The following BMP2K variants were observed in gnomAD, a reference collection of about 807,000 sequenced individuals.
The protein encoded by BMP2K is BMP-2-inducible protein kinase.
A neutral mutation model predicts 116.0 loss-of-function variants in BMP2K; 74 were observed. That is an observed-to-expected ratio of 0.64 (90% CI 0.53 to 0.77). BMP2K has a LOEUF of 0.77. Ranked by LOEUF, BMP2K falls within the 30% of genes least tolerant of loss-of-function variation. The pLI, the probability that BMP2K is intolerant of heterozygous loss-of-function variation, is 0.00. For synonymous variants in BMP2K, 486 were observed against 502.5 expected, an observed-to-expected ratio of 0.97 and a Z score of 0.44; for missense variants, 1,365 against 1,403.6, an observed-to-expected ratio of 0.97 and a Z score of 0.44.
intron 6 of BMP2K, 92 bp from the exon 7 acceptor site, chr4:78,850,831 AC>A (rs1731215133): frequency 7.3e-7 from 1 of 1,365,894 alleles, no homozygotes; most frequent in Non-Finnish European, 1.0e-6. Context: ...CAGTATAGAA[AC>A]ATGACTTTTT....
intron 7 of BMP2K, among the ~76,000 whole-genome samples, chr4:78,851,493 G>A (rs1189102248): frequency 6.6e-6 from 1 of 152,054 alleles, no homozygotes; most frequent in Non-Finnish European, 1.5e-5. Flanking sequence ...AAATAAATTA[G>A]GAAGCTACAA....
rs766312774 is a variant in BMP2K, at chr4:78,826,084, T to C, written c.226T>C (p.Cys76Arg). The C allele has an allele frequency of 5.6e-6, 9 of 1,614,238 alleles. No individual in the cohort carries two copies. Among genetic ancestry groups the C allele is most frequent in the Non-Finnish European group, 7.6e-6 (9 of 1,180,018 alleles). ...CGTGCGTACTCACGGTGGAATCCGA[T>C]GTGCATTGAAGCGAATGTATGTCAA... Reference protein sequence around the residue: ...FLVRTHGGIRCALKRMYVNNM... With the variant: ...FLVRTHGGIRRALKRMYVNNM... The change falls in exon 2 of 16, where the codon TGT (cysteine) becomes CGT (arginine). Residue 76 changes from cysteine to arginine, a missense_variant. By Grantham distance (180) the Cys-to-Arg change is radical. Transcript: ENST00000502613.
At chr4:78,830,065 C>T (rs959987490) in intron 2 of BMP2K, among the ~76,000 whole-genome samples, 5 of 151,754 alleles carry the variant, frequency 3.3e-5, no homozygotes, top group African/African-American at 2.4e-5. Context: ...TTAGTAGAGT[C>T]GGGGTTTCAC....
At chr4:78,897,614 T>A (rs1733770775) in intron 15 of BMP2K, among the ~76,000 whole-genome samples, 1 of 152,194 alleles carries the variant, frequency 6.6e-6, no homozygotes. Context: ...TGTAAAACTT[T>A]TTGATCCTTT....
intron 1 of BMP2K, among the ~76,000 whole-genome samples, chr4:78,801,192 C>G (rs1412018018): frequency 6.6e-6 from 1 of 152,112 alleles, no homozygotes; most frequent in Non-Finnish European, 1.5e-5. Context: ...CTATTAAAAT[C>G]TATTTTTAGA....
In BMP2K at chr4:78,776,529, C is replaced by T. The variant is rs755778782; in HGVS notation, c.-15C>T. ...CTTGCACGCTCCCTGCGCCCTCCAG[C>T]TCGCCGGCGGGACCATGAAGAAGTT... is the stretch of plus-strand genomic sequence containing the variant. On this transcript the variant is annotated 5_prime_UTR_variant, in exon 1 of 16. Coordinates refer to ENST00000502613, the MANE Select transcript of BMP2K (RefSeq NM_198892.2). 12 of 1,140,642 alleles carry T rather than the reference C, an allele frequency of 1.1e-5. No homozygotes were observed. Among genetic ancestry groups the T allele is most frequent in the Middle Eastern group, 3.3e-4 (1 of 3,002 alleles). The allele number at this position is 1,140,642 out of a possible 1,614,324, so 70.7% of individuals were successfully genotyped here. A position where few individuals can be genotyped will look rare whatever the true frequency, so the allele number is the denominator to read the frequency against.
chr4:78,797,534 G>C (rs566303850), intron 1 of BMP2K, among the ~76,000 whole-genome samples: 1 of 152,184 alleles, frequency 6.6e-6, no homozygotes. Context: ...TAGGTAATTC[G>C]GTAGTATTGG....
chr4:78,815,019 A>G (rs1729266930), intron 1 of BMP2K, among the ~76,000 whole-genome samples: 1 of 152,152 alleles, frequency 6.6e-6, no homozygotes. Flanking sequence ...TTTAAGAGCA[A>G]TGAATGAAAT....
rs551061325 is a variant in BMP2K, at chr4:78,874,049, G to A, written c.1793+1251G>A. Among the ~76,000 whole-genome samples, 57 of 151,956 alleles carry A rather than the reference G, an allele frequency of 3.8e-4. 1 individual carries two copies. Among genetic ancestry groups the A allele is most frequent in the African/African-American group, 1.3e-3 (53 of 41,464 alleles). ...AAAAATTATCTAGGTGTGGTGGTGCGCGCCTGTAATCCCAGCTACTTGGGA... is the reference window on the plus strand; with the variant it reads ...AAAAATTATCTAGGTGTGGTGGTGCACGCCTGTAATCCCAGCTACTTGGGA... On this transcript the variant is annotated intron_variant, in intron 13 of 15. Coordinates refer to ENST00000502613, the MANE Select transcript of BMP2K (RefSeq NM_198892.2).
chr4:78,912,731 A>G lies in BMP2K; in HGVS notation c.*698A>G, dbSNP rs1326108952. The G allele has an allele frequency of 6.6e-6, 1 of 152,220 alleles. No individual in the cohort carries two copies. The highest frequency in any genetic ancestry group is 1.5e-5 in the Non-Finnish European group (1 of 68,024). 9.4% of individuals were successfully genotyped at this position (152,220 alleles called of 1,614,324 possible). The stretch of plus-strand genomic sequence containing the variant: ...TACATATTCCAAAACAATGTTATAC[A>G]TGATAAATATATATAATTTTTGTCA... On this transcript the variant is annotated 3_prime_UTR_variant, in exon 16 of 16. Coordinates refer to ENST00000502613, the MANE Select transcript of BMP2K (RefSeq NM_198892.2).
chr4:78,830,439 TTCAACTTAAAG>T (rs1411377124), intron 2 of BMP2K, among the ~76,000 whole-genome samples: 3 of 152,186 alleles, frequency 2.0e-5, no homozygotes, highest in South Asian at 2.1e-4. Context: ...AAGCATTGGT[TTCAACTTAAAG>T]TCACCAGTAG....
intron 1 of BMP2K, among the ~76,000 whole-genome samples, chr4:78,814,483 C>G (rs917565130): frequency 1.3e-5 from 2 of 152,184 alleles, no homozygotes; most frequent in African/African-American, 4.8e-5. Flanking sequence ...GTAATTTAAT[C>G]ATGGGGGCAG....
intron 2 of BMP2K, among the ~76,000 whole-genome samples, chr4:78,828,659 A>G (rs961252212): frequency 3.2e-4 from 48 of 152,238 alleles, no homozygotes; most frequent in African/African-American, 1.1e-3. Flanking sequence ...GGAGTTACGA[A>G]CCAGGAACTG....
intron 2 of BMP2K, among the ~76,000 whole-genome samples, chr4:78,829,955 A>G (rs377434534): frequency 4.0e-5 from 6 of 151,810 alleles, no homozygotes; most frequent in Non-Finnish European, 8.8e-5. Context: ...GCTCACTGCA[A>G]CCTTGGCCTC....
intron 1 of BMP2K, among the ~76,000 whole-genome samples, chr4:78,794,557 A>G (rs1217454982): frequency 6.6e-6 from 1 of 152,242 alleles, no homozygotes; most frequent in East Asian, 1.9e-4. Flanking sequence ...AGCATGTGTT[A>G]AAGTGGTAAT....
chr4:78,827,941 G>A (rs1386564037), intron 2 of BMP2K, among the ~76,000 whole-genome samples: 1 of 152,196 alleles, frequency 6.6e-6, no homozygotes, highest in Non-Finnish European at 1.5e-5. Context: ...GCTGTTCATA[G>A]TGTACTGTCC....
chr4:78,871,251 A>G (rs934211290), intron 11 of BMP2K, among the ~76,000 whole-genome samples, 191 bp downstream of exon 11: 2 of 152,222 alleles, frequency 1.3e-5, no homozygotes, highest in African/African-American at 4.8e-5. Flanking sequence ...ATACTGTAAA[A>G]TAGGTTGCAT....
At chr4:78,906,221 G>C (rs1353320382) in intron 15 of BMP2K, 1 of 152,078 alleles carries the variant, frequency 6.6e-6, no homozygotes, top group East Asian at 1.9e-4. Flanking sequence ...CCTCATTACT[G>C]CTCTTTACTT....
chr4:78,907,403 AAAG>A (rs1462938971), intron 15 of BMP2K, among the ~76,000 whole-genome samples: 6 of 152,216 alleles, frequency 3.9e-5, no homozygotes, highest in African/African-American at 9.6e-5. Context: ...ATAATTTTAA[AAAG>A]AAGGCGAATT....
Sources: gnomAD v4.1 joint callset for allele counts (sites outside exome capture counted in the v4.1 genomes callset) on GRCh38, gnomAD v4.1.1 for gene constraint, MANE v1.5 for transcripts, NCBI Gene and HGNC (gene_info 2026-07-23, HGNC 2026-07-21) for gene names.